The following ZNF823 variants were observed in gnomAD, a reference collection of about 807,000 sequenced individuals.
The protein encoded by ZNF823 is ZFP 36 for a zinc finger protein.
A neutral mutation model predicts 11.4 loss-of-function variants in ZNF823; 5 were observed. That is an observed-to-expected ratio of 0.44 (90% CI 0.23 to 0.92). ZNF823 has a LOEUF of 0.92. ZNF823 is among the 40% of genes least tolerant of loss of function. ZNF823 has a pLI of 0.24. For missense variants in ZNF823, 582 were observed against 738.5 expected, an observed-to-expected ratio of 0.79 and a Z score of 2.46; for synonymous variants, 234 against 250.5, an observed-to-expected ratio of 0.93 and a Z score of 0.62.
chr19:11,730,373 G>T, intron 1 of ZNF823: 1 of 152,350 alleles, frequency 6.6e-6, no homozygotes. Context: ...GCTTGAGTTT[G>T]AGAACAGCCT....
At chr19:11,726,365 T>C (rs2145208658) in intron 1 of ZNF823, among the ~76,000 whole-genome samples, 1 of 150,426 alleles carries the variant, frequency 6.6e-6, no homozygotes, top group South Asian at 2.1e-4. Flanking sequence ...GTTTGTTACA[T>C]GATCAGCAGA....
chr19:11,738,851 T>G lies in ZNF823; in HGVS notation c.-32A>C, dbSNP rs753906004. ...GCTTCCAGGTGTCCGGGTGTCCTCC[T>G]TAAAAGCCAGTGTGGGTCCCAGCGC... is the stretch of plus-strand genomic sequence containing the variant. On this transcript the variant is annotated 5_prime_UTR_variant, in exon 1 of 4. Transcript: ENST00000341191. The G allele has an allele frequency of 1.9e-6, 3 of 1,606,180 alleles. No homozygotes were observed. In the African/African-American group the frequency reaches 4.0e-5, roughly 22 times the overall value.
intron 1 of ZNF823, among the ~76,000 whole-genome samples, chr19:11,733,299 G>T (rs1039469987): frequency 2.6e-5 from 4 of 151,168 alleles, no homozygotes; most frequent in Non-Finnish European, 5.9e-5. Flanking sequence ...CTCAGGAGTC[G>T]GAGGTTGCAG....
At chr19:11,729,000 C>T (rs1460130803) in intron 1 of ZNF823, among the ~76,000 whole-genome samples, 1 of 152,044 alleles carries the variant, frequency 6.6e-6, no homozygotes, top group East Asian at 1.9e-4. Context: ...TGATGAAACC[C>T]CGTCTCTACT....
At chr19:11,734,564 G>C (rs1974958708) in intron 1 of ZNF823, among the ~76,000 whole-genome samples, 1 of 152,148 alleles carries the variant, frequency 6.6e-6, no homozygotes, top group South Asian at 2.1e-4. Flanking sequence ...TTGAGATGGA[G>C]TCTTGCTCTG....
intron 1 of ZNF823, among the ~76,000 whole-genome samples, chr19:11,727,126 T>C (rs189075093): frequency 6.6e-6 from 1 of 152,314 alleles, no homozygotes. Context: ...TGATTATCTA[T>C]AATATTTCCT....
chr19:11,725,550 C>CTTG (rs1427457655), intron 1 of ZNF823, among the ~76,000 whole-genome samples: 2 of 152,222 alleles, frequency 1.3e-5, no homozygotes, highest in African/African-American at 2.4e-5. Flanking sequence ...GAACCTGCCT[C>CTTG]TTGTTGGTGA....
Position 11,721,599 on chromosome 19 carries a change from A to T in ZNF823, c.*102T>A. 8.3e-7 allele frequency: 1 copy of T among 1,210,694 alleles called. No homozygotes were observed. The highest frequency in any genetic ancestry group is 1.1e-6 in the Non-Finnish European group (1 of 874,632). 75.0% of individuals were successfully genotyped at this position (1,210,694 alleles called of 1,614,324 possible). On this transcript the variant is annotated 3_prime_UTR_variant, in exon 4 of 4. Coordinates refer to ENST00000341191, the MANE Select transcript of ZNF823 (RefSeq NM_001080493.4). ...GTATTTAAAAAAATTGAAACTACTTAAGGCTTTATCCCATGTTTACATTCA... is the reference window on the plus strand; with the variant it reads ...GTATTTAAAAAAATTGAAACTACTTTAGGCTTTATCCCATGTTTACATTCA...
chr19:11,727,340 C>T (rs1002102064), intron 1 of ZNF823, among the ~76,000 whole-genome samples: 1 of 151,916 alleles, frequency 6.6e-6, no homozygotes, highest in Non-Finnish European at 1.5e-5. Context: ...GAAACCCCGT[C>T]TCTACTAAAA....
At chr19:11,737,013 A>G (rs188130413) in intron 1 of ZNF823, among the ~76,000 whole-genome samples, 3 of 151,906 alleles carry the variant, frequency 2.0e-5, no homozygotes, top group East Asian at 3.9e-4. Flanking sequence ...ATAAGGTCCC[A>G]CCCCCCACCT....
Position 11,734,426 on chromosome 19 carries a change from T to A in ZNF823, c.3+4391A>T, listed in dbSNP as rs569413987. Among the ~76,000 whole-genome samples, 14 of 152,268 alleles carry A rather than the reference T, an allele frequency of 9.2e-5. No individual in the cohort carries two copies. The South Asian group carries it at 2.9e-3, about 32-fold the overall frequency. On this transcript the variant is annotated intron_variant, in intron 1 of 3. Coordinates refer to ENST00000341191, the MANE Select transcript of ZNF823 (RefSeq NM_001080493.4). ...ATTCCCACTTTGCCTCAGAAATGAT[T>A]AGCTGAACAATTCTGTCTTCACCAA...
chr19:11,738,864 T>C lies in ZNF823; in HGVS notation c.-45A>G. The stretch of plus-strand genomic sequence containing the variant: ...CGGGTGTCCTCCTTAAAAGCCAGTG[T>C]GGGTCCCAGCGCGACAGACGCTGAT... On this transcript the variant is annotated 5_prime_UTR_variant, in exon 1 of 4. Coordinates refer to ENST00000341191, the MANE Select transcript of ZNF823 (RefSeq NM_001080493.4). 1.2e-6 allele frequency: 2 copies of C among 1,600,076 alleles called. No individual in the cohort carries two copies. The highest frequency in any genetic ancestry group is 1.7e-6 in the Non-Finnish European group (2 of 1,173,690).
chr19:11,731,172 C>A (rs1481003850), intron 1 of ZNF823, among the ~76,000 whole-genome samples: 1 of 151,318 alleles, frequency 6.6e-6, no homozygotes, highest in African/African-American at 2.4e-5. Flanking sequence ...ATTAGCCAGG[C>A]GTGGTGGTGC....
intron 2 of ZNF823, among the ~76,000 whole-genome samples, chr19:11,724,812 G>A (rs1035231485): frequency 2.0e-5 from 3 of 151,690 alleles, no homozygotes; most frequent in East Asian, 1.9e-4. Context: ...TTCCCGCCTC[G>A]GCCTCCCAAA....
chr19:11,736,514 G>A (rs150836437), intron 1 of ZNF823, among the ~76,000 whole-genome samples: 197 of 152,122 alleles, frequency 1.3e-3, no homozygotes, highest in Non-Finnish European at 2.2e-3. Context: ...GCGAGACTCC[G>A]TCTCAAAAAA....
rs1260431959 is a variant in ZNF823, at chr19:11,725,222, T to C, written c.109A>G (p.Ile37Val). 6.2e-7 allele frequency: 1 copy of C among 1,613,874 alleles called. No homozygotes were observed. The highest frequency in any genetic ancestry group is 2.2e-5 in the East Asian group (1 of 44,884). The change falls in exon 2 of 4, where the codon ATT becomes GTT. Residue 37 changes from isoleucine to valine, a missense_variant. Coordinates refer to ENST00000341191, the MANE Select transcript of ZNF823 (RefSeq NM_001080493.4). Reference protein sequence around the residue: ...SLYRNVMQETIRNLDCIEMKW... With the variant: ...SLYRNVMQETVRNLDCIEMKW... The stretch of plus-strand genomic sequence containing the variant: ...TTACCTATACAGTCCAGGTTCCTAA[T>C]GGTTTCCTGCATGACATTTCTGTAG...
Position 11,722,681 on chromosome 19 carries a change from A to C in ZNF823, c.853T>G (p.Phe285Val). Residue 285 changes from phenylalanine to valine, a missense_variant, in exon 4 of 4, where the codon TTC becomes GTC. Coordinates refer to ENST00000341191, the MANE Select transcript of ZNF823 (RefSeq NM_001080493.4). This position sits in a 1 kb window ranked among gnomAD's most constrained non-coding sequence, Gnocchi z 5.2. Reference protein sequence around the residue: ...PYKCTQCGKAFSCYYYTRLHE... With the variant: ...PYKCTQCGKAVSCYYYTRLHE... ...AGTCGAGTGTAATAGTAACAGCTGA[A>C]GGCTTTCCCACATTGTGTACATTTA... 1 of 1,614,112 alleles carries C rather than the reference A, an allele frequency of 6.2e-7. No homozygotes were observed. The highest frequency in any genetic ancestry group is 8.5e-7 in the Non-Finnish European group (1 of 1,179,988).
Position 11,733,791 on chromosome 19 carries a change from C to T in ZNF823, c.3+5026G>A, listed in dbSNP as rs140279377. On this transcript the variant is annotated intron_variant, in intron 1 of 3. Coordinates refer to ENST00000341191, the MANE Select transcript of ZNF823 (RefSeq NM_001080493.4). The stretch of plus-strand genomic sequence containing the variant: ...AAACCCTTTGTCCAGCAGGCAGAAC[C>T]AAAAGGTGTCTTTCTCTAAGTCAGC... Among the ~76,000 whole-genome samples, 450 of 152,266 alleles carry T rather than the reference C, an allele frequency of 3.0e-3. 1 individual carries two copies. The highest frequency in any genetic ancestry group is 9.9e-3 in the African/African-American group (412 of 41,530).
At chr19:11,727,345 C>T (rs1468931301) in intron 1 of ZNF823, among the ~76,000 whole-genome samples, 1 of 151,796 alleles carries the variant, frequency 6.6e-6, no homozygotes, top group Non-Finnish European at 1.5e-5. Context: ...CCCGTCTCTA[C>T]TAAAAATACA....
Sources: gnomAD v4.1 joint callset for allele counts (sites outside exome capture counted in the v4.1 genomes callset) on GRCh38, gnomAD v4.1.1 for gene constraint, Gnocchi (gnomAD v3.1) non-coding constraint, MANE v1.5 for transcripts, NCBI Gene and HGNC (gene_info 2026-07-23, HGNC 2026-07-21) for gene names.